Variants in ASIC2 observed in about 807,000 individuals in gnomAD.
ASIC2 encodes acid sensing ion channel subunit 2.
Under a neutral mutation model 57.3 loss-of-function variants are expected in ASIC2, and 25 were observed. The observed-to-expected ratio is 0.44, with a 90% confidence interval of 0.32 to 0.61. The LOEUF (loss-of-function observed/expected upper bound fraction) is 0.61, where lower values mean the gene tolerates loss of function less well. Among genes scored for constraint, ASIC2 ranks in the 20% least tolerant of loss-of-function variants. The probability of loss-of-function intolerance (pLI) is 0.06; values close to 1 mark genes in which losing one functional copy is unlikely to be tolerated. For synonymous variants in ASIC2, 319 were observed against 307.5 expected, an observed-to-expected ratio of 1.04 and a Z score of -0.39; for missense variants, 641 against 738.1, an observed-to-expected ratio of 0.87 and a Z score of 1.52.
intron 1 of ASIC2, among the ~76,000 whole-genome samples, chr17:33,531,049 C>A (rs891829262): frequency 6.7e-6 from 1 of 148,260 alleles, no homozygotes; most frequent in Non-Finnish European, 1.5e-5. Flanking sequence ...AAATTAATTA[C>A]TAATTTTTAA....
At chr17:33,586,132 G>A (rs967371514) in intron 1 of ASIC2, among the ~76,000 whole-genome samples, 23 of 152,176 alleles carry the variant, frequency 1.5e-4, no homozygotes, top group African/African-American at 5.1e-4. Flanking sequence ...AAAGAAGAGT[G>A]TCCACCGCAG....
At chr17:33,095,473 A>G (rs187820366) in intron 2 of ASIC2, among the ~76,000 whole-genome samples, 2 of 152,348 alleles carry the variant, frequency 1.3e-5, no homozygotes, top group East Asian at 1.9e-4. Flanking sequence ...TAGGAACTCA[A>G]AAATGCTTGG....
intron 1 of ASIC2, among the ~76,000 whole-genome samples, chr17:33,137,810 C>T (rs1162987794): frequency 1.3e-5 from 2 of 152,334 alleles, no homozygotes; most frequent in East Asian, 3.9e-4. Flanking sequence ...AGTTCCTCAC[C>T]TGACTTGTTC....
At chr17:33,499,529 C>G (rs1015686584) in intron 1 of ASIC2, among the ~76,000 whole-genome samples, 4 of 152,198 alleles carry the variant, frequency 2.6e-5, no homozygotes, top group Non-Finnish European at 5.9e-5. Context: ...AATATTGTTC[C>G]TCACAGCCCT....
In ASIC2 at chr17:33,527,841, G is replaced by A. The variant is rs373263888; in HGVS notation, c.556-415774C>T. 6.7e-4 allele frequency among the ~76,000 whole-genome samples: 102 copies of A among 152,232 alleles called. 3 individuals carry two copies. In the South Asian group the frequency reaches 0.02, roughly 29 times the overall value. The stretch of plus-strand genomic sequence containing the variant: ...CTGCCACTTTCTCACTGAGAGACCT[G>A]GAGCAAATCACTGTCCCAATCCAGG... On this transcript the variant is annotated intron_variant, in intron 1 of 9. Coordinates refer to the ASIC2 transcript ENST00000359872.
At chr17:33,634,769 G>T (rs1277196379) in intron 1 of ASIC2, 1 of 147,712 alleles carries the variant, frequency 6.8e-6, no homozygotes. Context: ...TAGCCAGGAT[G>T]GTCTCAATCT....
chr17:33,946,735 G>C (rs1300787792), intron 1 of ASIC2, among the ~76,000 whole-genome samples: 4 of 152,220 alleles, frequency 2.6e-5, no homozygotes, highest in Middle Eastern at 3.2e-3. Context: ...GAAACAGGCA[G>C]TTCCATGTGG....
intron 1 of ASIC2, among the ~76,000 whole-genome samples, chr17:34,000,533 G>A (rs1369983939): frequency 1.3e-5 from 2 of 152,130 alleles, no homozygotes; most frequent in East Asian, 3.9e-4. Flanking sequence ...CATTACAGGT[G>A]TGAGCCACCA....
chr17:33,233,551 CACACACAT>C (rs1370430655), intron 1 of ASIC2, among the ~76,000 whole-genome samples: 16 of 104,034 alleles, frequency 1.5e-4, no homozygotes, highest in African/African-American at 5.4e-4. Context: ...CACACACACA[CACACACAT>C]GGCATAAGCA....
chr17:33,056,252 C>T (rs2141933825), intron 3 of ASIC2, among the ~76,000 whole-genome samples: 1 of 152,306 alleles, frequency 6.6e-6, no homozygotes, highest in Non-Finnish European at 1.5e-5. Context: ...GGTGGACACA[C>T]CAACACACCC....
chr17:33,022,136 AG>A (rs2091838632), intron 6 of ASIC2, among the ~76,000 whole-genome samples: 1 of 152,194 alleles, frequency 6.6e-6, no homozygotes, highest in South Asian at 2.1e-4. Context: ...TTCTGTGAGC[AG>A]GGCTCGCAGG....
At chr17:33,281,826 G>A (rs1308886839) in intron 1 of ASIC2, among the ~76,000 whole-genome samples, 1 of 152,096 alleles carries the variant, frequency 6.6e-6, no homozygotes. Flanking sequence ...TCTCAGTAAG[G>A]GTAAGCAGCT....
intron 1 of ASIC2, among the ~76,000 whole-genome samples, chr17:33,356,491 T>C (rs1023537798): frequency 6.6e-6 from 1 of 152,106 alleles, no homozygotes; most frequent in Non-Finnish European, 1.5e-5. Context: ...CACCCCTCCC[T>C]GATGATGTGG....
intron 1 of ASIC2, among the ~76,000 whole-genome samples, chr17:33,197,347 G>A (rs781777640): frequency 3.3e-5 from 5 of 152,256 alleles, no homozygotes; most frequent in South Asian, 4.2e-4. Flanking sequence ...AATATTACCC[G>A]TATACATAGG....
intron 1 of ASIC2, among the ~76,000 whole-genome samples, chr17:33,703,812 ATTGT>A (rs1908781792): frequency 6.6e-6 from 1 of 151,986 alleles, no homozygotes; most frequent in African/African-American, 2.4e-5. Context: ...GGTGTACATG[ATTGT>A]TAGACTGCCC....
intron 1 of ASIC2, among the ~76,000 whole-genome samples, chr17:33,427,664 A>C (rs181163205): frequency 1.4e-4 from 22 of 152,330 alleles, no homozygotes; most frequent in South Asian, 1.2e-3. Flanking sequence ...TAAGCAAGAC[A>C]AAGGCAGAGC....
chr17:33,930,706 C>T (rs1342110584), intron 1 of ASIC2, among the ~76,000 whole-genome samples: 1 of 152,196 alleles, frequency 6.6e-6, no homozygotes, highest in Admixed American at 6.5e-5. Flanking sequence ...AGGGGTGTGT[C>T]GAAGTGAGCT....
chr17:33,591,375 G>A (rs1169128882), intron 1 of ASIC2, among the ~76,000 whole-genome samples: 3 of 152,202 alleles, frequency 2.0e-5, no homozygotes, highest in African/African-American at 7.2e-5. Flanking sequence ...AGATGCCACT[G>A]GGGCTGCATT....
intron 1 of ASIC2, among the ~76,000 whole-genome samples, chr17:33,452,684 T>A (rs899468338): frequency 6.6e-6 from 1 of 151,954 alleles, no homozygotes; most frequent in Non-Finnish European, 1.5e-5. Flanking sequence ...GGAGTTAGGA[T>A]TTAGATGCTA....
Sources: allele counts gnomAD v4.1 joint callset (sites outside exome capture counted in the v4.1 genomes callset), GRCh38; gene constraint gnomAD v4.1.1; transcripts MANE v1.5; gene names NCBI Gene and HGNC (gene_info 2026-07-23, HGNC 2026-07-21).